Variants in BTBD9 observed in about 807,000 individuals in gnomAD.
BTBD9 encodes the protein BTB/POZ domain-containing protein 9.
A neutral mutation model predicts 64.3 loss-of-function variants in BTBD9; 49 were observed. That is an observed-to-expected ratio of 0.76 (90% CI 0.61 to 0.97). The LOEUF (loss-of-function observed/expected upper bound fraction) is 0.97. Among genes scored for constraint, BTBD9 ranks in the 50% least tolerant of loss-of-function variants. BTBD9 has a pLI of 0.00. For missense variants in BTBD9, 598 were observed against 762.1 expected, an observed-to-expected ratio of 0.78 and a Z score of 2.53; for synonymous variants, 260 against 274.7, an observed-to-expected ratio of 0.95 and a Z score of 0.53.
rs148616200 is a variant in BTBD9 at position 38,462,232 on chromosome 6, A to G, written c.1154+115368T>C. 5.7e-3 allele frequency among the ~76,000 whole-genome samples: 875 copies of G among 152,302 alleles called. 10 individuals carry two copies. The highest frequency in any genetic ancestry group is 0.02 in the African/African-American group (848 of 41,564). ...TGCTATATCTTAAATACGTTTGCCTAAACAAGAGAAAACAAAGGTTTTCTC... is the reference window on the plus strand; with the variant it reads ...TGCTATATCTTAAATACGTTTGCCTGAACAAGAGAAAACAAAGGTTTTCTC... On this transcript the variant is annotated intron_variant, in intron 6 of 10. Transcript: ENST00000481247.
At chr6:38,408,750 CA>C (rs1767280893) in intron 6 of BTBD9, among the ~76,000 whole-genome samples, 3 of 152,200 alleles carry the variant, frequency 2.0e-5, no homozygotes, top group Admixed American at 2.0e-4. Flanking sequence ...GTCTTACCAA[CA>C]ACAGGCTTCC....
chr6:38,358,608 T>C (rs1764823545), intron 6 of BTBD9, among the ~76,000 whole-genome samples: 1 of 151,988 alleles, frequency 6.6e-6, no homozygotes, highest in African/African-American at 2.4e-5. Context: ...TGCAGGTGAG[T>C]AGGAAGAGAG....
intron 9 of BTBD9, among the ~76,000 whole-genome samples, chr6:38,212,717 A>G (rs996273385): frequency 1.2e-4 from 18 of 152,234 alleles, no homozygotes; most frequent in Admixed American, 9.1e-4. Flanking sequence ...AATGCTAAAC[A>G]AAGTTATTGA....
chr6:38,364,347 C>T (rs1765103773), intron 6 of BTBD9, among the ~76,000 whole-genome samples: 1 of 152,138 alleles, frequency 6.6e-6, no homozygotes, highest in Non-Finnish European at 1.5e-5. Context: ...TCCATTGCTT[C>T]CTCCTTTGGT....
intron 7 of BTBD9, among the ~76,000 whole-genome samples, chr6:38,311,000 G>A (rs959467994): frequency 3.3e-5 from 5 of 152,064 alleles, no homozygotes; most frequent in South Asian, 2.1e-4. Context: ...TAGTAGAGAC[G>A]GGGTTTCACC....
chr6:38,474,098 T>C (rs752146541), intron 6 of BTBD9, among the ~76,000 whole-genome samples: 6 of 152,190 alleles, frequency 3.9e-5, no homozygotes, highest in African/African-American at 7.2e-5. Flanking sequence ...TTCCATATAA[T>C]GAGAAGCTTA....
chr6:38,403,094 G>A (rs993262252), intron 6 of BTBD9, among the ~76,000 whole-genome samples: 23 of 143,640 alleles, frequency 1.6e-4, no homozygotes, highest in African/African-American at 3.8e-4. Context: ...AAGGGGAGGG[G>A]AAGGGAGGGG....
rs146416633 is a variant in BTBD9 at position 38,361,056 on chromosome 6, T to C, written c.1155-15963A>G. 2.8e-3 allele frequency among the ~76,000 whole-genome samples: 432 copies of C among 152,198 alleles called. 7 individuals are homozygous for C. The highest frequency in any genetic ancestry group is 0.01 in the African/African-American group (417 of 41,506). Reference sequence around the variant, plus strand: ...TGCCTCTGTGAATCTGTTCAAGCATTGAGGGGTCTGGATCAGTGTTTCTTG... The same window carrying C: ...TGCCTCTGTGAATCTGTTCAAGCATCGAGGGGTCTGGATCAGTGTTTCTTG... On this transcript the variant is annotated intron_variant, in intron 6 of 10. Coordinates refer to ENST00000481247, the MANE Select transcript of BTBD9 (RefSeq NM_001099272.2).
At chr6:38,565,296 A>G (rs184226475) in intron 6 of BTBD9, among the ~76,000 whole-genome samples, 1 of 152,266 alleles carries the variant, frequency 6.6e-6, no homozygotes, top group Non-Finnish European at 1.5e-5. Flanking sequence ...TGTTGTAGGG[A>G]GATGTCCTGT....
intron 6 of BTBD9, among the ~76,000 whole-genome samples, chr6:38,494,899 T>A (rs12214533): frequency 6.6e-6 from 1 of 152,184 alleles, no homozygotes; most frequent in African/African-American, 2.4e-5. Flanking sequence ...AGTAAACACT[T>A]ATAATATTCT....
At chr6:38,197,614 T>C (rs1026040907) in intron 9 of BTBD9, among the ~76,000 whole-genome samples, 2 of 152,136 alleles carry the variant, frequency 1.3e-5, no homozygotes, top group Non-Finnish European at 2.9e-5. Flanking sequence ...TACTTACCAT[T>C]TGGGGTTGTG....
intron 8 of BTBD9, among the ~76,000 whole-genome samples, chr6:38,281,336 T>C (rs1761508738): frequency 6.6e-6 from 1 of 152,100 alleles, no homozygotes; most frequent in Non-Finnish European, 1.5e-5. Flanking sequence ...AGCCACACAA[T>C]AGTGAAAGGA....
intron 6 of BTBD9, among the ~76,000 whole-genome samples, chr6:38,473,753 T>C (rs1415861361): frequency 6.6e-6 from 1 of 152,094 alleles, no homozygotes; most frequent in African/African-American, 2.4e-5. Flanking sequence ...ATACATTAAA[T>C]AAAGATATAA....
At chr6:38,503,002 A>G (rs959967737) in intron 6 of BTBD9, among the ~76,000 whole-genome samples, 18 of 152,212 alleles carry the variant, frequency 1.2e-4, no homozygotes, top group South Asian at 4.1e-4. Context: ...TGAGAAAGCA[A>G]TTAATTCAGT....
intron 10 of BTBD9, among the ~76,000 whole-genome samples, chr6:38,175,893 C>A (rs565104909): frequency 6.6e-6 from 1 of 152,348 alleles, no homozygotes; most frequent in African/African-American, 2.4e-5. Context: ...CTCCAGCCAG[C>A]CTGGAACAAA....
chr6:38,587,437 G>C (rs1023550448), intron 4 of BTBD9: 3 of 545,204 alleles, frequency 5.5e-6, no homozygotes, highest in African/African-American at 3.9e-5. Context: ...TGATGAATTA[G>C]TGCTAATGAT....
intron 6 of BTBD9, among the ~76,000 whole-genome samples, chr6:38,408,994 C>T (rs1272597992): frequency 1.3e-5 from 2 of 152,086 alleles, no homozygotes; most frequent in Non-Finnish European, 2.9e-5. Flanking sequence ...TCATGCCTGT[C>T]ATCCCAGCAC....
At chr6:38,293,891 G>T (rs1762059317) in intron 7 of BTBD9, among the ~76,000 whole-genome samples, 1 of 152,020 alleles carries the variant, frequency 6.6e-6, no homozygotes. Flanking sequence ...GCAACCTACA[G>T]AATGGGAGAA....
At chr6:38,296,763 C>T (rs924585280) in intron 7 of BTBD9, among the ~76,000 whole-genome samples, 3 of 152,162 alleles carry the variant, frequency 2.0e-5, no homozygotes, top group Admixed American at 6.6e-5. Flanking sequence ...CTTTGACCCA[C>T]GAATTATTCA....
Sources: allele counts gnomAD v4.1 joint callset (sites outside exome capture counted in the v4.1 genomes callset), GRCh38; gene constraint gnomAD v4.1.1; transcripts MANE v1.5; gene names NCBI Gene and HGNC (gene_info 2026-07-23, HGNC 2026-07-21).